The following NLGN2 variants were observed in gnomAD, a reference collection of about 807,000 sequenced individuals.
NLGN2 encodes neuroligin 2.
NLGN2 carries 11 observed loss-of-function variants against 48.6 expected under a neutral mutation model. The ratio of observed to expected loss-of-function variants is 0.23; its 90% CI spans 0.14 to 0.37. The LOEUF is 0.37. NLGN2 is among the 10% of genes least tolerant of loss of function. The pLI is 1.00. For missense variants in NLGN2, 801 were observed against 1,225.2 expected, an observed-to-expected ratio of 0.65 and a Z score of 5.17; for synonymous variants, 548 against 550.0, an observed-to-expected ratio of 1.00 and a Z score of 0.05.
Position 7,417,835 on chromosome 17 carries a change from C to A in NLGN2, c.*36C>A. On this transcript the variant is annotated 3_prime_UTR_variant, in exon 7 of 7. Coordinates refer to ENST00000302926, the MANE Select transcript of NLGN2 (RefSeq NM_020795.4). ...GGGAGGCCCTCCTCCCCGGCCCTCC[C>A]TGGCCCGGCCACTCCGAAGGCAGGG... The A allele has an allele frequency of 7.4e-7, 1 of 1,351,906 alleles. No homozygotes were observed. Among genetic ancestry groups the A allele is most frequent in the East Asian group, 2.9e-5 (1 of 34,404 alleles). 83.7% of individuals were successfully genotyped at this position (1,351,906 alleles called of 1,614,324 possible).
At chr17:7,416,159 A>G (rs779735816) in intron 6 of NLGN2, 52 bp downstream of exon 6, 1 of 1,423,804 alleles carries the variant, frequency 7.0e-7, no homozygotes, top group Non-Finnish European at 9.9e-7. Flanking sequence ...CCTCCTTCAC[A>G]TGGCCGCCGT....
At chr17:7,410,044 C>T (rs1597708054) in intron 1 of NLGN2, among the ~76,000 whole-genome samples, 1 of 152,040 alleles carries the variant, frequency 6.6e-6, no homozygotes, top group South Asian at 2.1e-4. Flanking sequence ...ATCCCCAACA[C>T]TCCTCAATCA....
intron 1 of NLGN2, among the ~76,000 whole-genome samples, chr17:7,410,828 A>G (rs575470138): frequency 6.6e-6 from 1 of 152,300 alleles, no homozygotes; most frequent in South Asian, 2.1e-4. Flanking sequence ...GCGCGCGCAC[A>G]CACACACGCG....
upstream of NLGN2, among the ~76,000 whole-genome samples, chr17:7,407,520 A>G (rs1906693832): frequency 6.6e-6 from 1 of 152,192 alleles, no homozygotes. Context: ...ACAGCTCAGG[A>G]GTAATTAACA....
upstream of NLGN2, among the ~76,000 whole-genome samples, chr17:7,406,138 C>A (rs574265602): frequency 3.9e-5 from 6 of 152,026 alleles, no homozygotes; most frequent in Admixed American, 1.3e-4. Flanking sequence ...TGAGAAACAC[C>A]AAGGAGAGAG....
chr17:7,408,308 G>T lies in NLGN2; in HGVS notation c.53G>T (p.Gly18Val). 2 of 1,371,682 alleles carry T rather than the reference G, an allele frequency of 1.5e-6. No homozygotes were observed. The highest frequency in any genetic ancestry group is 1.5e-5 in the African/African-American group (1 of 65,238). 85.0% of individuals were successfully genotyped at this position (1,371,682 alleles called of 1,614,324 possible). Reference sequence around the variant, plus strand: ...GGGCTGGCGGGGGCTCAACGCGGGGGAGGGGGTCCCGGCGGCGGCGCCCCG... The same window carrying T: ...GGGCTGGCGGGGGCTCAACGCGGGGTAGGGGGTCCCGGCGGCGGCGCCCCG... ...LVGLAGAQRG[G>V]GGPGGGAPGG... Residue 18 changes from glycine (G) to valine (V), a missense_variant, in exon 1 of 7, where the codon GGA becomes GTA. Physicochemically the swap from Gly to Val is moderately radical, Grantham distance 109. This residue lies in a region of NLGN2 where 164 missense variants were observed against 186.2 expected (regional missense o/e 0.88). Transcript: ENST00000302926. This position sits in a 1 kb window ranked among gnomAD's most constrained non-coding sequence, Gnocchi z 7.5.
intron 2 of NLGN2, among the ~76,000 whole-genome samples, chr17:7,412,617 T>A (rs902025242): frequency 6.6e-6 from 1 of 152,146 alleles, no homozygotes; most frequent in Non-Finnish European, 1.5e-5. Context: ...CAAAAAAAAT[T>A]TAAAAGTTGG....
Position 7,408,051 on chromosome 17 carries a change from C to G in NLGN2, c.-205C>G. 4 of 309,478 alleles carry G rather than the reference C, an allele frequency of 1.3e-5. No homozygotes were observed. Among genetic ancestry groups the G allele is most frequent in the Non-Finnish European group, 5.8e-6 (1 of 171,320 alleles). The allele number at this position is 309,478 out of a possible 1,614,324, so 19.2% of individuals were successfully genotyped here. A position where few individuals can be genotyped will look rare whatever the true frequency, so the allele number is the denominator to read the frequency against. ...CACCTTCTCCCATTTCCTTCCCCTT[C>G]CCCACCCCGTGCCCCCTCCATGGAG... On this transcript the variant is annotated 5_prime_UTR_variant, in exon 1 of 7. Coordinates refer to ENST00000302926, the MANE Select transcript of NLGN2 (RefSeq NM_020795.4). This position sits in a 1 kb window ranked among gnomAD's most constrained non-coding sequence, Gnocchi z 7.5.
In NLGN2 at chr17:7,411,546, T is replaced by G. The variant is rs1197926907; in HGVS notation, c.458-611T>G. Among the ~76,000 whole-genome samples the G allele has an allele frequency of 5.9e-5, 9 of 152,192 alleles. No individual in the cohort carries two copies. The highest frequency in any genetic ancestry group is 2.2e-4 in the African/African-American group (9 of 41,440). On this transcript the variant is annotated intron_variant, in intron 1 of 6. Transcript: ENST00000302926. This position sits in a 1 kb window ranked among gnomAD's most constrained non-coding sequence, Gnocchi z 4.5. Reference sequence around the variant, plus strand: ...CCTCCAGTGGGGAGCGGAAGGCTTCTGGGGCTGAGCTGTGGGGCAGGCTGC... The same window carrying G: ...CCTCCAGTGGGGAGCGGAAGGCTTCGGGGGCTGAGCTGTGGGGCAGGCTGC...
At position 7,415,400 on chromosome 17, in the gene NLGN2, G is replaced by C; in HGVS notation, c.1038-111G>C. 7.4e-6 allele frequency: 8 copies of C among 1,082,934 alleles called. No homozygotes were observed. In the South Asian group the frequency reaches 1.0e-4, roughly 14 times the overall value. 67.1% of individuals were successfully genotyped at this position (1,082,934 alleles called of 1,614,324 possible). ...AGGACCCACTGGAGGATTTCAAGTA[G>C]GGAAGAAGGGTCTTGCAGGTAGAGG... On this transcript the variant is annotated intron_variant, in intron 5 of 6. Transcript: ENST00000302926.
intron 6 of NLGN2, among the ~76,000 whole-genome samples, chr17:7,416,535 C>T (rs948529969): frequency 2.2e-4 from 33 of 152,150 alleles, no homozygotes; most frequent in African/African-American, 3.6e-4. Flanking sequence ...GCTTACTTTT[C>T]GCTTTCTCTG....
In NLGN2 at chr17:7,419,455, G is replaced by C. The variant is rs1444253535; in HGVS notation, c.*1656G>C. On this transcript the variant is annotated 3_prime_UTR_variant, in exon 7 of 7. Transcript: ENST00000302926. ...GGGTGTTAGTGCCAAACTTGAATAGGGGCTGGGGTGCTGTCTTCCACTGAC... is the reference window on the plus strand; with the variant it reads ...GGGTGTTAGTGCCAAACTTGAATAGCGGCTGGGGTGCTGTCTTCCACTGAC... The C allele has an allele frequency of 6.5e-5, 10 of 152,726 alleles. No homozygotes were observed. In the Admixed American group the frequency reaches 6.5e-4, roughly 10 times the overall value. The allele number at this position is 152,726 out of a possible 1,614,324, so 9.5% of individuals were successfully genotyped here. A position where few individuals can be genotyped will look rare whatever the true frequency, so the allele number is the denominator to read the frequency against.
chr17:7,410,476 C>T (rs1312682684), intron 1 of NLGN2, among the ~76,000 whole-genome samples: 1 of 152,062 alleles, frequency 6.6e-6, no homozygotes, highest in Non-Finnish European at 1.5e-5. Context: ...CTCTGCCATC[C>T]CAGCGCCTGC....
Position 7,415,103 on chromosome 17 carries a change from G to A in NLGN2, c.992G>A (p.Arg331Gln), listed in dbSNP as rs756356287. The A allele has an allele frequency of 7.9e-5, 127 of 1,608,674 alleles. No individual in the cohort carries two copies. Among genetic ancestry groups the A allele is most frequent in the Non-Finnish European group, 1.0e-4 (118 of 1,176,640 alleles). Residue 331 changes from arginine to glutamine, a missense_variant, in exon 5 of 7, where the codon CGG (arginine) becomes CAG (glutamine). Physicochemically the swap from Arg to Gln is conservative, Grantham distance 43 (BLOSUM62 1). Around this residue, in one of 5 missense-constraint regions of NLGN2, gnomAD observed 303 missense variants for 600.1 expected, o/e 0.50. Transcript: ENST00000302926. ...GCTGAAGCTGTGGAGTGTCTGCGCC[G>A]GAAGCCCTCCCGGGAGCTGGTGGAC... ...DSAEAVECLRRKPSRELVDQD... is the reference protein window; with the variant it reads ...DSAEAVECLRQKPSRELVDQD...
At position 7,415,869 on chromosome 17, in the gene NLGN2, G is replaced by A. The variant is rs1445061061; in HGVS notation, c.1396G>A (p.Ala466Thr). The A allele has an allele frequency of 5.6e-6, 9 of 1,611,030 alleles. No individual in the cohort carries two copies. In the African/African-American group the frequency reaches 1.1e-4, roughly 19 times the overall value. ...CCACCAATGGGTGGCACCAGCTGTG[G>A]CCACTGCCAAGCTGCACGCCGACTA... ...TDHQWVAPAV[A>T]TAKLHADYQS... Residue 466 changes from alanine (A) to threonine (T), a missense_variant, in exon 6 of 7, where the codon GCC becomes ACC. Physicochemically the swap from Ala to Thr is moderately conservative, Grantham distance 58 (BLOSUM62 0). Transcript: ENST00000302926.
At chr17:7,406,659 G>GC (rs1307932423), upstream of NLGN2, among the ~76,000 whole-genome samples, 1 of 139,170 alleles carries the variant, frequency 7.2e-6, no homozygotes, top group African/African-American at 2.6e-5. Context: ...GGGGCGGGGG[G>GC]GGGGCTTGCC....
rs1007648204 is a variant in NLGN2 at position 7,418,018 on chromosome 17, G to A, written c.*219G>A. The A allele has an allele frequency of 1.6e-5, 6 of 370,060 alleles. No homozygotes were observed. Among genetic ancestry groups the A allele is most frequent in the South Asian group, 2.8e-4 (2 of 7,260 alleles). The allele number at this position is 370,060 out of a possible 1,614,324, so 22.9% of individuals were successfully genotyped here. ...CTGGGCCTTTGAACAACTGGGGGGC[G>A]TTTTCTCCCCCCCATTGGGACACCA... On this transcript the variant is annotated 3_prime_UTR_variant, in exon 7 of 7. Transcript: ENST00000302926.
Position 7,413,057 on chromosome 17 carries a change from C to G in NLGN2, c.508+850C>G, listed in dbSNP as rs1307181284. Among the ~76,000 whole-genome samples the G allele has an allele frequency of 6.6e-6, 1 of 152,150 alleles. No homozygotes were observed. Among genetic ancestry groups the G allele is most frequent in the Non-Finnish European group, 1.5e-5 (1 of 68,028 alleles). On this transcript the variant is annotated intron_variant, in intron 2 of 6. Coordinates refer to ENST00000302926, the MANE Select transcript of NLGN2 (RefSeq NM_020795.4). This position sits in a 1 kb window ranked among gnomAD's most constrained non-coding sequence, Gnocchi z 4.9. ...ATGGGAGAACTGAGGACAATTAGGACAGGACCTTGGAGGGAAGGAGATTCC... is the reference window on the plus strand; with the variant it reads ...ATGGGAGAACTGAGGACAATTAGGAGAGGACCTTGGAGGGAAGGAGATTCC...
chr17:7,416,845 C>G, intron 6 of NLGN2, 81 bp from the exon 7 acceptor site: 6 of 1,528,674 alleles, frequency 3.9e-6, no homozygotes, highest in Non-Finnish European at 4.5e-6. Context: ...GCATCTCTGT[C>G]TGTCTCCCTG....
Sources: allele counts gnomAD v4.1 joint callset (sites outside exome capture counted in the v4.1 genomes callset), GRCh38; gene constraint gnomAD v4.1.1; regional missense constraint gnomAD v4.1.1; non-coding constraint Gnocchi (gnomAD v3.1); transcripts MANE v1.5; gene names NCBI Gene and HGNC (gene_info 2026-07-23, HGNC 2026-07-21).